PIEZO2: variants seen among roughly 807,000 people sequenced by gnomAD.
PIEZO2 encodes piezo-type mechanosensitive ion channel component 2.
A neutral mutation model predicts 337.3 loss-of-function variants in PIEZO2; 172 were observed. The observed-to-expected ratio is 0.51, with a 90% CI of 0.45 to 0.58. The LOEUF (loss-of-function observed/expected upper bound fraction) is 0.58, where lower values mean the gene tolerates loss of function less well. Among genes scored for constraint, PIEZO2 ranks in the 20% least tolerant of loss-of-function variants. The pLI is 0.00. For missense variants in PIEZO2, 3,028 were observed against 3,391.3 expected (o/e 0.89, Z 2.66); for synonymous variants, 1,251 against 1,228.5 (o/e 1.02, Z -0.38).
intron 31 of PIEZO2, among the ~76,000 whole-genome samples, 190 bp from the exon 32 acceptor site, chr18:10,742,805 T>TGA (rs72320715): frequency 2.0e-5 from 2 of 99,598 alleles, no homozygotes; most frequent in African/African-American, 1.4e-4. Context: ...TATTTGTGTG[T>TGA]GTGTGTGTGT....
intron 1 of PIEZO2, among the ~76,000 whole-genome samples, chr18:11,095,653 A>T (rs561628126): frequency 2.6e-5 from 4 of 152,252 alleles, no homozygotes; most frequent in Non-Finnish European, 5.9e-5. Context: ...ATCAAAAGGG[A>T]CTGGGAAATA....
intron 7 of PIEZO2, among the ~76,000 whole-genome samples, chr18:10,818,693 T>C (rs2040434960): frequency 6.6e-6 from 1 of 152,228 alleles, no homozygotes; most frequent in Non-Finnish European, 1.5e-5. Flanking sequence ...AAATAAGATA[T>C]GAGTTTGGAA....
At chr18:10,922,111 G>T (rs1352826857) in intron 3 of PIEZO2, among the ~76,000 whole-genome samples, 1 of 152,024 alleles carries the variant, frequency 6.6e-6, no homozygotes, top group Non-Finnish European at 1.5e-5. Context: ...TGTGAAGTAC[G>T]TGATGTCTGT....
intron 4 of PIEZO2, among the ~76,000 whole-genome samples, chr18:10,904,266 G>A (rs989003474): frequency 6.6e-6 from 1 of 152,262 alleles, no homozygotes; most frequent in East Asian, 1.9e-4. Context: ...TTATGGACAC[G>A]TACAGCATGG....
At position 10,770,229 on chromosome 18, in the gene PIEZO2, C is replaced by A; in HGVS notation, c.2865G>T (p.Leu955=). 3 of 1,537,496 alleles carry A rather than the reference C, an allele frequency of 2.0e-6. No homozygotes were observed. The highest frequency in any genetic ancestry group is 2.6e-6 in the Non-Finnish European group (3 of 1,146,916). Residue 955 remains leucine, a synonymous_variant, in exon 21 of 56, where the codon CTG becomes CTT. Coordinates refer to ENST00000674853, the MANE Select transcript of PIEZO2 (RefSeq NM_001378183.1). ...FLKFLEYFHK[L]QVFMWWILEL... is the part of the protein sequence containing the mutation. ...CCAAAATCCACCACATGAACACCTG[C>A]AGCTTGTGAAAATACTCCAGGAATT...
intron 4 of PIEZO2, among the ~76,000 whole-genome samples, chr18:10,891,436 C>T (rs2042752777): frequency 1.3e-5 from 2 of 152,236 alleles, no homozygotes; most frequent in Admixed American, 1.3e-4. Flanking sequence ...TACAAATCCT[C>T]TTTCCAAATC....
rs375476434 is a variant in PIEZO2 at position 10,968,079 on chromosome 18, C to T, written c.286+11456G>A. 3.3e-3 allele frequency among the ~76,000 whole-genome samples: 506 copies of T among 152,182 alleles called. 7 individuals carry two copies. Among genetic ancestry groups the T allele is most frequent in the African/African-American group, 0.012 (489 of 41,522 alleles). ...TTGTCTTCTAGAATTTTTATGGCTTCAGGTCTTAGATTTAAGTCTTTGATC... is the reference window on the plus strand; with the variant it reads ...TTGTCTTCTAGAATTTTTATGGCTTTAGGTCTTAGATTTAAGTCTTTGATC... On this transcript the variant is annotated intron_variant, in intron 3 of 55. Coordinates refer to ENST00000674853, the MANE Select transcript of PIEZO2 (RefSeq NM_001378183.1).
chr18:11,016,585 A>G lies in PIEZO2; in HGVS notation c.161-36925T>C, dbSNP rs1229693098. ...AAGTAACGAGTTACTCATTTAAACA[A>G]GTGATAACTCAAGGTAAAAAGAAAA... is the stretch of plus-strand genomic sequence containing the variant. On this transcript the variant is annotated intron_variant, in intron 2 of 55. Transcript: ENST00000674853. This position sits in a 1 kb window ranked among gnomAD's most constrained non-coding sequence, Gnocchi z 5.6. 6.6e-6 allele frequency among the ~76,000 whole-genome samples: 1 copy of G among 152,218 alleles called. No individual in the cohort carries two copies. Among genetic ancestry groups the G allele is most frequent in the Non-Finnish European group, 1.5e-5 (1 of 68,044 alleles).
At chr18:10,920,612 A>G (rs2145132364) in intron 3 of PIEZO2, among the ~76,000 whole-genome samples, 1 of 152,284 alleles carries the variant, frequency 6.6e-6, no homozygotes, top group East Asian at 1.9e-4. Context: ...CCAGGTTTCC[A>G]TGACTTCAAG....
rs914250916 is a variant in PIEZO2, at chr18:11,028,945, T to G, written c.160+37182A>C. ...AATTTAGATAAGATGGCATGGAACA[T>G]TTTACCTTGCATCTAAACAACACCA... On this transcript the variant is annotated intron_variant, in intron 2 of 55. Transcript: ENST00000674853. This position sits in a 1 kb window ranked among gnomAD's most constrained non-coding sequence, Gnocchi z 4.8. Among the ~76,000 whole-genome samples, 1 of 152,162 alleles carries G rather than the reference T, an allele frequency of 6.6e-6. No individual in the cohort carries two copies. The highest frequency in any genetic ancestry group is 2.4e-5 in the African/African-American group (1 of 41,426).
Position 10,973,884 on chromosome 18 carries a change from C to G in PIEZO2, c.286+5651G>C, listed in dbSNP as rs146518927. On this transcript the variant is annotated intron_variant, in intron 3 of 55. Coordinates refer to ENST00000674853, the MANE Select transcript of PIEZO2 (RefSeq NM_001378183.1). The surrounding 1 kb of genome is among the most constrained non-coding windows in gnomAD (Gnocchi z 4.9). ...CTTATTAGCTCTTTTCTCCAGGGTACTGTCTCAAATATGAAAAATTAACAT... is the reference window on the plus strand; with the variant it reads ...CTTATTAGCTCTTTTCTCCAGGGTAGTGTCTCAAATATGAAAAATTAACAT... Among the ~76,000 whole-genome samples, 110 of 152,266 alleles carry G rather than the reference C, an allele frequency of 7.2e-4. No homozygotes were observed. The Middle Eastern group carries it at 0.01, about 14-fold the overall frequency.
chr18:10,921,826 G>A (rs949196801), intron 3 of PIEZO2, among the ~76,000 whole-genome samples: 31 of 152,124 alleles, frequency 2.0e-4, no homozygotes, highest in African/African-American at 7.5e-4. Flanking sequence ...GTGGGTCTCT[G>A]AACTGGCCCC....
rs553917104 is a variant in PIEZO2 at position 11,149,432 on chromosome 18, C to T, written c.-844G>A. Among the ~76,000 whole-genome samples, 471 of 152,180 alleles carry T rather than the reference C, an allele frequency of 3.1e-3. 3 individuals carry two copies. Among genetic ancestry groups the T allele is most frequent in the African/African-American group, 0.01 (435 of 41,556 alleles). On this transcript the variant is annotated 5_prime_UTR_variant, in exon 1 of 56. Transcript: ENST00000674853. The surrounding 1 kb of genome is among the most constrained non-coding windows in gnomAD (Gnocchi z 8.7). The stretch of plus-strand genomic sequence containing the variant: ...GTGAGTGGGTCTCCCACTCCCTCCT[C>T]CACCGCCTCAATTTAAAACTCAAGA...
intron 5 of PIEZO2, among the ~76,000 whole-genome samples, chr18:10,864,292 T>C (rs1241134516): frequency 2.0e-5 from 3 of 152,192 alleles, no homozygotes; most frequent in Non-Finnish European, 4.4e-5. Flanking sequence ...AGCACAGTGC[T>C]AGGTCCAGGG....
chr18:10,712,227 C>G (rs1309932615), intron 39 of PIEZO2, among the ~76,000 whole-genome samples: 2 of 152,214 alleles, frequency 1.3e-5, no homozygotes, highest in Admixed American at 1.3e-4. Context: ...TGGCTCCCCA[C>G]CCACCCTGCT....
intron 7 of PIEZO2, among the ~76,000 whole-genome samples, chr18:10,839,289 T>C (rs556534704): frequency 6.6e-6 from 1 of 152,362 alleles, no homozygotes; most frequent in South Asian, 2.1e-4. Flanking sequence ...AAAGCATTAG[T>C]CATGGGATAG....
Position 10,705,601 on chromosome 18 carries a change from C to T in PIEZO2, c.5734G>A (p.Val1912Met), listed in dbSNP as rs1404474119. 6.5e-7 allele frequency: 1 copy of T among 1,537,238 alleles called. No homozygotes were observed. Among genetic ancestry groups the T allele is most frequent in the South Asian group, 1.2e-5 (1 of 84,062 alleles). The change falls in exon 41 of 56, where the codon GTG becomes ATG. Residue 1912 changes from valine (V) to methionine (M), a missense_variant. Transcript: ENST00000674853. The stretch of plus-strand genomic sequence containing the variant: ...GCCTCCTCGGCACCCATGGCTCCCA[C>T]ATCGTACCCAGTGGCCTCGTACTCC... ...AKEYEATGYD[V>M]GAMGAEEASL...
In PIEZO2 at chr18:11,105,980, G is replaced by T. The variant is rs1257256539; in HGVS notation, c.65-39758C>A. On this transcript the variant is annotated intron_variant, in intron 1 of 55. Coordinates refer to ENST00000674853, the MANE Select transcript of PIEZO2 (RefSeq NM_001378183.1). This position sits in a 1 kb window ranked among gnomAD's most constrained non-coding sequence, Gnocchi z 4.3. The stretch of plus-strand genomic sequence containing the variant: ...CAGCTTTCACTTTTTGGCATAGGAG[G>T]AAAAGTCATTCATGAACAAATTCTT... 6.6e-6 allele frequency among the ~76,000 whole-genome samples: 1 copy of T among 152,120 alleles called. No individual in the cohort carries two copies. The highest frequency in any genetic ancestry group is 1.5e-5 in the Non-Finnish European group (1 of 68,012).
intron 3 of PIEZO2, among the ~76,000 whole-genome samples, chr18:10,950,854 T>C (rs867034647): frequency 6.6e-6 from 1 of 152,206 alleles, no homozygotes; most frequent in African/African-American, 2.4e-5. Flanking sequence ...GCCTCGCTGA[T>C]TTTACTCCCA....
Sources: gnomAD v4.1 joint callset for allele counts (sites outside exome capture counted in the v4.1 genomes callset) on GRCh38, gnomAD v4.1.1 for gene constraint, Gnocchi (gnomAD v3.1) non-coding constraint, MANE v1.5 for transcripts, NCBI Gene and HGNC (gene_info 2026-07-23, HGNC 2026-07-21) for gene names.